Variants in SAMMSON observed in about 807,000 individuals in gnomAD.
SAMMSON encodes survival associated mitochondrial melanoma specific oncogenic non-coding RNA, also known as long intergenic non-protein coding RNA 1212.
intron 4 of SAMMSON, among the ~76,000 whole-genome samples, chr3:70,114,076 G>C (rs1576125190): frequency 6.6e-6 from 1 of 152,170 alleles, no homozygotes; most frequent in Non-Finnish European, 1.5e-5. Context: ...TGACGAGGTC[G>C]GAATTGACAA....
chr3:70,103,559 G>A (rs187705741), intron 4 of SAMMSON, among the ~76,000 whole-genome samples: 1 of 152,244 alleles, frequency 6.6e-6, no homozygotes, highest in East Asian at 1.9e-4. Flanking sequence ...CTAAAAGATT[G>A]TGAATCTCTT....
At chr3:70,292,803 A>G (rs73102691) in intron 7 of SAMMSON, among the ~76,000 whole-genome samples, 13,238 of 152,000 alleles carry the variant, frequency 0.087, 688 homozygotes, top group South Asian at 0.13. Flanking sequence ...TACACAATGA[A>G]ATTGCAATAA....
intron 3 of SAMMSON, among the ~76,000 whole-genome samples, chr3:70,026,597 C>T (rs992778047): frequency 2.6e-5 from 4 of 152,114 alleles, no homozygotes; most frequent in African/African-American, 9.7e-5. Context: ...TCCACAACAT[C>T]CTGTGGGAGG....
intron 3 of SAMMSON, chr3:70,070,248 T>C (rs894785104): frequency 6.6e-6 from 1 of 152,110 alleles, no homozygotes; most frequent in Admixed American, 6.6e-5. Flanking sequence ...ATAACCATAG[T>C]ACATATCAAA....
intron 4 of SAMMSON, among the ~76,000 whole-genome samples, chr3:70,212,938 C>T (rs902844370): frequency 2.0e-5 from 3 of 151,930 alleles, no homozygotes; most frequent in African/African-American, 7.2e-5. Context: ...GCACTATAGG[C>T]GTGCACCAAC....
chr3:70,093,160 A>G (rs1170338058), intron 4 of SAMMSON, among the ~76,000 whole-genome samples: 3 of 152,074 alleles, frequency 2.0e-5, no homozygotes, highest in African/African-American at 7.2e-5. Context: ...CTCTGCCTTC[A>G]ATGTTCTTGC....
At chr3:70,135,101 T>C (rs2067500353) in intron 4 of SAMMSON, among the ~76,000 whole-genome samples, 1 of 152,134 alleles carries the variant, frequency 6.6e-6, no homozygotes, top group South Asian at 2.1e-4. Flanking sequence ...GTCAATCAGG[T>C]ATAAAGGTGG....
intron 7 of SAMMSON, among the ~76,000 whole-genome samples, chr3:70,302,276 AT>A (rs1702356788): frequency 6.6e-6 from 1 of 151,868 alleles, no homozygotes; most frequent in South Asian, 2.1e-4. Context: ...TTTTTTACTA[AT>A]GGTCTGGTGA....
chr3:70,057,180 C>G (rs2067170874), intron 3 of SAMMSON, among the ~76,000 whole-genome samples: 1 of 151,990 alleles, frequency 6.6e-6, no homozygotes, highest in South Asian at 2.1e-4. Context: ...TTAGTCAAGT[C>G]AGAATGCAAA....
intron 9 of SAMMSON, among the ~76,000 whole-genome samples, chr3:70,367,846 T>G (rs1211063070): frequency 1.3e-5 from 2 of 151,648 alleles, no homozygotes; most frequent in Non-Finnish European, 3.0e-5. Flanking sequence ...CCACTAACAG[T>G]GTACTAGAGT....
chr3:70,019,483 C>G (rs996191177), intron 3 of SAMMSON, among the ~76,000 whole-genome samples: 4 of 152,166 alleles, frequency 2.6e-5, no homozygotes, highest in Non-Finnish European at 5.9e-5. Context: ...TGTCTCTGCA[C>G]TTGAGATGGG....
At chr3:70,035,753 G>A (rs2067083060) in intron 3 of SAMMSON, among the ~76,000 whole-genome samples, 1 of 152,112 alleles carries the variant, frequency 6.6e-6, no homozygotes, top group Non-Finnish European at 1.5e-5. Flanking sequence ...GGAAAGTAGG[G>A]TCTAGTCATT....
At chr3:70,186,083 A>G (rs1701089010) in intron 4 of SAMMSON, among the ~76,000 whole-genome samples, 1 of 152,156 alleles carries the variant, frequency 6.6e-6, no homozygotes, top group Non-Finnish European at 1.5e-5. Context: ...ACACCTCAAC[A>G]TCCCCACTTC....
At chr3:70,261,205 T>C (rs1701863075) in intron 6 of SAMMSON, among the ~76,000 whole-genome samples, 1 of 152,214 alleles carries the variant, frequency 6.6e-6, no homozygotes, top group South Asian at 2.1e-4. Flanking sequence ...CATTTGGTGG[T>C]CAAAGCTTTG....
intron 2 of SAMMSON, among the ~76,000 whole-genome samples, chr3:70,398,447 A>C (rs1216696732): frequency 1.3e-5 from 2 of 152,214 alleles, no homozygotes; most frequent in African/African-American, 4.8e-5. Flanking sequence ...AAATTTCTAA[A>C]GCACTGTATT....
At chr3:70,317,946 T>C (rs958674416) in intron 7 of SAMMSON, among the ~76,000 whole-genome samples, 1 of 151,876 alleles carries the variant, frequency 6.6e-6, no homozygotes, top group African/African-American at 2.4e-5. Context: ...CAGGTTTTTT[T>C]TGTTCTCTCT....
At chr3:70,295,560 AG>A (rs1702282115) in intron 7 of SAMMSON, among the ~76,000 whole-genome samples, 1 of 152,060 alleles carries the variant, frequency 6.6e-6, no homozygotes, top group Admixed American at 6.6e-5. Flanking sequence ...AAAATGAGCC[AG>A]GCTTGGTGGT....
At chr3:70,161,123 C>T (rs1429726540) in intron 4 of SAMMSON, among the ~76,000 whole-genome samples, 1 of 151,958 alleles carries the variant, frequency 6.6e-6, no homozygotes, top group African/African-American at 2.4e-5. Context: ...AATTTTATCT[C>T]CTTTTTTCCA....
At chr3:70,250,699 C>A (rs887149152) in intron 6 of SAMMSON, among the ~76,000 whole-genome samples, 2 of 152,112 alleles carry the variant, frequency 1.3e-5, no homozygotes, top group Non-Finnish European at 2.9e-5. Flanking sequence ...ATACTAATAT[C>A]CAGAGTTTCC....
Sources: gnomAD v4.1 joint callset for allele counts (sites outside exome capture counted in the v4.1 genomes callset) on GRCh38, gnomAD v4.1.1 for gene constraint, MANE v1.5 for transcripts, NCBI Gene and HGNC (gene_info 2026-07-23, HGNC 2026-07-21) for gene names.